DPP6: variants seen among roughly 807,000 people sequenced by gnomAD.
The protein encoded by DPP6 is A-type potassium channel modulatory protein DPP6.
DPP6 carries 69 observed loss-of-function variants against 122.6 expected under a neutral mutation model. The observed-to-expected ratio is 0.56, with a 90% confidence interval of 0.46 to 0.69. DPP6 has a LOEUF of 0.69. DPP6 is among the 30% of genes least tolerant of loss of function. The pLI, the probability that DPP6 is intolerant of heterozygous loss-of-function variation, is 0.00. For synonymous variants in DPP6, 418 were observed against 433.1 expected (o/e 0.97, Z 0.43); for missense variants, 928 against 1,116.9 (o/e 0.83, Z 2.41).
chr7:154,491,191 A>C (rs28641674), intron 3 of DPP6, among the ~76,000 whole-genome samples: 62 of 152,262 alleles, frequency 4.1e-4, no homozygotes, highest in African/African-American at 1.3e-3. Context: ...ATGTTCCTCA[A>C]TAAAACCCAA....
At chr7:153,834,809 A>C in the DPP6 span, among the ~76,000 whole-genome samples, 2 of 152,190 alleles carry the variant, frequency 1.3e-5, no homozygotes, top group Non-Finnish European at 2.9e-5. Context: ...ACAACGTGGC[A>C]AATGTTAATC....
chr7:154,567,574 TG>T (rs1830838131), intron 5 of DPP6, among the ~76,000 whole-genome samples: 2 of 152,246 alleles, frequency 1.3e-5, no homozygotes, highest in South Asian at 4.1e-4. Flanking sequence ...GAAGTTTATT[TG>T]TATAAGTGGA....
At chr7:154,053,187 C>T in intron 1 of DPP6, 124 bp downstream of exon 1, 2 of 876,296 alleles carry the variant, frequency 2.3e-6, no homozygotes, top group Non-Finnish European at 2.7e-6. Context: ...GCCCACGACT[C>T]TCCGGGCGCC....
rs1241620547 is a variant in DPP6, at chr7:154,889,464, T to A, written c.2385T>A (p.Ile795=). The change falls in exon 25 of 26, where the codon ATT becomes ATA. Residue 795 remains isoleucine, a synonymous_variant. Coordinates refer to ENST00000377770, the MANE Select transcript of DPP6 (RefSeq NM_130797.4). The part of the protein sequence containing the change: ...LIIHPTADEK[I]HFQHTAELIT... Reference sequence around the variant, plus strand: ...TTTTTTTTTTTTGCACAGAAAAAATTCATTTCCAGCACACAGCAGAACTCA... The same window carrying A: ...TTTTTTTTTTTTGCACAGAAAAAATACATTTCCAGCACACAGCAGAACTCA... The A allele has an allele frequency of 1.2e-5, 19 of 1,585,020 alleles. No homozygotes were observed. Among genetic ancestry groups the A allele is most frequent in the Non-Finnish European group, 1.5e-5 (18 of 1,168,648 alleles).
At chr7:154,629,095 G>C (rs1352512376) in intron 5 of DPP6, among the ~76,000 whole-genome samples, 1 of 152,178 alleles carries the variant, frequency 6.6e-6, no homozygotes, top group East Asian at 1.9e-4. Flanking sequence ...CCTCGGCTTG[G>C]ATTGTGAAAG....
intron 1 of DPP6, among the ~76,000 whole-genome samples, chr7:154,378,835 C>T (rs62475077): frequency 0.042 from 6,417 of 152,186 alleles, 173 homozygotes; most frequent in Non-Finnish European, 0.063. Flanking sequence ...GCAACTTCTT[C>T]GCAAGGAGGC....
intron 1 of DPP6, among the ~76,000 whole-genome samples, chr7:154,308,180 G>A (rs1190926975): frequency 6.6e-6 from 1 of 151,978 alleles, no homozygotes; most frequent in Non-Finnish European, 1.5e-5. Context: ...TTGGTATTTG[G>A]AAACCAGGCA....
At chr7:154,575,734 T>C in intron 5 of DPP6, among the ~76,000 whole-genome samples, 1 of 143,718 alleles carries the variant, frequency 7.0e-6, no homozygotes, top group East Asian at 2.1e-4. Flanking sequence ...GTATGTGGTA[T>C]GTGTATGTGT....
chr7:154,041,406 A>C (rs1404760851), intron 1 of DPP6, among the ~76,000 whole-genome samples: 2 of 152,202 alleles, frequency 1.3e-5, no homozygotes, highest in Non-Finnish European at 2.9e-5. Context: ...TACATAAAAG[A>C]AGTTTTGAGG....
Position 154,282,928 on chromosome 7 carries a change from T to C in DPP6, c.244-163286T>C, listed in dbSNP as rs1221118435. Among the ~76,000 whole-genome samples, 3 of 152,142 alleles carry C rather than the reference T, an allele frequency of 2.0e-5. No individual in the cohort carries two copies. Among genetic ancestry groups the C allele is most frequent in the Non-Finnish European group, 4.4e-5 (3 of 68,034 alleles). On this transcript the variant is annotated intron_variant, in intron 1 of 25. Transcript: ENST00000377770. This position sits in a 1 kb window ranked among gnomAD's most constrained non-coding sequence, Gnocchi z 4.8. The stretch of plus-strand genomic sequence containing the variant: ...CCTGCTCAGTCCAAGGGTCACAACA[T>C]GTCTGATGCCTAGCTCTGGACTCAA...
At chr7:153,774,859 G>A in the DPP6 span, among the ~76,000 whole-genome samples, 1 of 152,014 alleles carries the variant, frequency 6.6e-6, no homozygotes, top group Non-Finnish European at 1.5e-5. Flanking sequence ...TAGCTACTTA[G>A]GATCCCTTGA....
At chr7:154,673,602 A>G (rs534258978) in intron 7 of DPP6, among the ~76,000 whole-genome samples, 3 of 152,164 alleles carry the variant, frequency 2.0e-5, no homozygotes, top group Non-Finnish European at 4.4e-5. Flanking sequence ...AGTTTATGAC[A>G]AATGACAAGA....
chr7:154,597,266 A>G (rs181987811), intron 5 of DPP6, among the ~76,000 whole-genome samples: 20 of 152,058 alleles, frequency 1.3e-4, no homozygotes, highest in Middle Eastern at 3.4e-3. Context: ...TGGAAGCACA[A>G]TTGTGGGTTG....
chr7:154,038,844 T>A (rs772528634), intron 1 of DPP6, among the ~76,000 whole-genome samples: 3 of 92 alleles, frequency 0.033, no homozygotes, highest in South Asian at 0.5. Context: ...GCAAGGCTAG[T>A]AGTAACTCCT....
intron 1 of DPP6, among the ~76,000 whole-genome samples, chr7:154,267,314 A>G (rs1050464684): frequency 6.8e-6 from 1 of 147,184 alleles, no homozygotes; most frequent in African/African-American, 2.5e-5. Context: ...TCACAATAAT[A>G]TATTACAATA....
At chr7:154,291,771 C>G (rs2150965547) in intron 1 of DPP6, among the ~76,000 whole-genome samples, 1 of 152,356 alleles carries the variant, frequency 6.6e-6, no homozygotes, top group South Asian at 2.1e-4. Context: ...TTACCATATT[C>G]TCATCTTGTC....
chr7:153,809,043 G>A, the DPP6 span, among the ~76,000 whole-genome samples: 811 of 151,672 alleles, frequency 5.3e-3, 12 homozygotes, highest in African/African-American at 0.018. Flanking sequence ...TTTTCTTCAC[G>A]TCCCCACCAA....
chr7:154,335,110 G>A (rs926322427), intron 1 of DPP6, among the ~76,000 whole-genome samples: 2 of 152,134 alleles, frequency 1.3e-5, no homozygotes, highest in East Asian at 3.9e-4. Flanking sequence ...ATAAGGGAGG[G>A]GTGAGAACCA....
intron 8 of DPP6, among the ~76,000 whole-genome samples, chr7:154,753,291 CCCG>C (rs1843489956): frequency 5.3e-5 from 8 of 152,078 alleles, no homozygotes; most frequent in African/African-American, 1.9e-4. Context: ...ACAAAGGGTG[CCCG>C]GTGACCCTTC....
Sources: gnomAD v4.1 joint callset for allele counts (sites outside exome capture counted in the v4.1 genomes callset) on GRCh38, gnomAD v4.1.1 for gene constraint, Gnocchi (gnomAD v3.1) non-coding constraint, MANE v1.5 for transcripts, NCBI Gene and HGNC (gene_info 2026-07-23, HGNC 2026-07-21) for gene names.